Variants in REPS1 observed in about 807,000 individuals in gnomAD.
REPS1 encodes RALBP1 associated Eps domain containing 1.
A neutral mutation model predicts 100.9 loss-of-function variants in REPS1; 39 were observed. That is an observed-to-expected ratio of 0.39 (90% confidence interval 0.30 to 0.50). The LOEUF (loss-of-function observed/expected upper bound fraction) is 0.50. Among genes scored for constraint, REPS1 ranks in the 20% least tolerant of loss-of-function variants. The pLI is 0.86. For synonymous variants in REPS1, 324 were observed against 340.3 expected (o/e 0.95, Z 0.53); for missense variants, 821 against 968.5 (o/e 0.85, Z 2.02).
rs1224676912 is a variant in REPS1, at chr6:138,987,686, C to T, written c.-4G>A. The stretch of plus-strand genomic sequence containing the variant: ...CGCTCAGCGTTAAGCCTTCCATCTT[C>T]GCCTCCGGCTCACGGCCGCCCCGCC... On this transcript the variant is annotated 5_prime_UTR_variant, in exon 1 of 20. Coordinates refer to ENST00000450536, the MANE Select transcript of REPS1 (RefSeq NM_001286611.2). 1.3e-6 allele frequency: 2 copies of T among 1,538,882 alleles called. No individual in the cohort carries two copies. Among genetic ancestry groups the T allele is most frequent in the African/African-American group, 1.4e-5 (1 of 71,782 alleles).
intron 16 of REPS1, among the ~76,000 whole-genome samples, chr6:138,911,782 T>A (rs1160332838): frequency 6.7e-6 from 1 of 149,152 alleles, no homozygotes; most frequent in African/African-American, 2.5e-5. Context: ...ATGCAGGTAG[T>A]AGATGTGTGA....
Position 138,987,876 on chromosome 6 carries a change from C to G in REPS1, c.-194G>C, listed in dbSNP as rs1785370852. On this transcript the variant is annotated 5_prime_UTR_variant, in exon 1 of 20. Coordinates refer to ENST00000450536, the MANE Select transcript of REPS1 (RefSeq NM_001286611.2). ...GTCGCGAGGAGGGGGCCCGGCTGCGCTCGCCGCGCCGCTGCCTGCGAGGCC... is the reference window on the plus strand; with the variant it reads ...GTCGCGAGGAGGGGGCCCGGCTGCGGTCGCCGCGCCGCTGCCTGCGAGGCC... 3.9e-6 allele frequency: 2 copies of G among 508,730 alleles called. No individual in the cohort carries two copies. The highest frequency in any genetic ancestry group is 4.5e-5 in the Admixed American group (1 of 21,998). The allele number at this position is 508,730 out of a possible 1,614,324, so 31.5% of individuals were successfully genotyped here. A position where few individuals can be genotyped will look rare whatever the true frequency, so the allele number is the denominator to read the frequency against.
chr6:138,984,078 C>CTTT (rs748774209), intron 1 of REPS1, among the ~76,000 whole-genome samples: 12 of 134,444 alleles, frequency 8.9e-5, no homozygotes, highest in Non-Finnish European at 1.4e-4. Flanking sequence ...CTCTCTCTCT[C>CTTT]TTTTTTTTTT....
chr6:138,986,656 C>A (rs1785274523), intron 1 of REPS1, among the ~76,000 whole-genome samples: 1 of 152,164 alleles, frequency 6.6e-6, no homozygotes, highest in Non-Finnish European at 1.5e-5. Context: ...AGCTTAAAAC[C>A]TGTTCCTAAC....
At chr6:138,957,822 A>G (rs1191736695) in intron 1 of REPS1, among the ~76,000 whole-genome samples, 2 of 152,258 alleles carry the variant, frequency 1.3e-5, no homozygotes, top group East Asian at 3.8e-4. Flanking sequence ...TGGCTCTGCC[A>G]TGAAAATATT....
intron 8 of REPS1, among the ~76,000 whole-genome samples, chr6:138,935,856 C>CGGGGGGG (rs1449985583): frequency 1.4e-3 from 3 of 2,186 alleles, no homozygotes; most frequent in Non-Finnish European, 3.5e-3. Context: ...TCCATCTTGG[C>CGGGGGGG]GGGGGGGGGG....
chr6:138,943,274 C>CA (rs938443938), intron 7 of REPS1, among the ~76,000 whole-genome samples: 28 of 152,110 alleles, frequency 1.8e-4, no homozygotes, highest in Non-Finnish European at 3.4e-4. Flanking sequence ...ATGCTAGCAA[C>CA]AAAAAAACAG....
At chr6:138,969,269 ATTTTTTTTTT>A (rs71013004) in intron 1 of REPS1, among the ~76,000 whole-genome samples, 1,921 of 74,282 alleles carry the variant, frequency 0.026, 80 homozygotes, top group African/African-American at 0.085. Flanking sequence ...CAAAGCTGTA[ATTTTTTTTTT>A]TTTTTTTTTT....
intron 2 of REPS1, among the ~76,000 whole-genome samples, chr6:138,947,529 A>G (rs1319683760): frequency 6.6e-6 from 1 of 152,232 alleles, no homozygotes; most frequent in Non-Finnish European, 1.5e-5. Context: ...TTGGTAAATT[A>G]ATTCTTAAAA....
intron 1 of REPS1, among the ~76,000 whole-genome samples, chr6:138,957,630 C>T (rs1363017118): frequency 6.6e-6 from 1 of 152,034 alleles, no homozygotes; most frequent in East Asian, 1.9e-4. Context: ...GCTATGCAAC[C>T]GGCCTACAGA....
intron 15 of REPS1, among the ~76,000 whole-genome samples, chr6:138,913,690 T>A: frequency 6.6e-6 from 1 of 152,222 alleles, no homozygotes; most frequent in East Asian, 1.9e-4. Flanking sequence ...AAAAAGTCTA[T>A]CCTTCTTACT....
At chr6:138,973,504 A>T (rs1265991103) in intron 1 of REPS1, among the ~76,000 whole-genome samples, 1 of 151,054 alleles carries the variant, frequency 6.6e-6, no homozygotes, top group Non-Finnish European at 1.5e-5. Flanking sequence ...GACTGTAAAA[A>T]ATTCTACTGG....
At chr6:138,962,796 G>A (rs1284479680) in intron 1 of REPS1, among the ~76,000 whole-genome samples, 1 of 152,082 alleles carries the variant, frequency 6.6e-6, no homozygotes, top group Non-Finnish European at 1.5e-5. Context: ...AATAAGGAAG[G>A]CCTCTTATAT....
At chr6:138,950,126 G>C (rs1347846278) in intron 1 of REPS1, among the ~76,000 whole-genome samples, 1 of 152,100 alleles carries the variant, frequency 6.6e-6, no homozygotes, top group Non-Finnish European at 1.5e-5. Flanking sequence ...GACCAAACTG[G>C]AATTTATTTT....
intron 1 of REPS1, among the ~76,000 whole-genome samples, chr6:138,965,480 T>C (rs1783967330): frequency 6.6e-6 from 1 of 152,110 alleles, no homozygotes; most frequent in Non-Finnish European, 1.5e-5. Flanking sequence ...ATAGTACTAG[T>C]TGCCTTTAGA....
chr6:138,944,882 T>A (rs898558001), intron 4 of REPS1, among the ~76,000 whole-genome samples: 3 of 152,208 alleles, frequency 2.0e-5, no homozygotes, highest in Non-Finnish European at 1.5e-5. Flanking sequence ...TCCATAAACT[T>A]GTCTAAACAT....
chr6:138,948,337 AG>A (rs1394524862), intron 1 of REPS1, among the ~76,000 whole-genome samples: 1 of 152,190 alleles, frequency 6.6e-6, no homozygotes, highest in Non-Finnish European at 1.5e-5. Context: ...CAAGTGGGGA[AG>A]AAAGGCAAGA....
chr6:138,907,998 GAA>G (rs145185032), intron 18 of REPS1, among the ~76,000 whole-genome samples: 1 of 152,030 alleles, frequency 6.6e-6, no homozygotes, highest in East Asian at 1.9e-4. Context: ...CTACAAAAAA[GAA>G]AAAGTCATTC....
intron 1 of REPS1, among the ~76,000 whole-genome samples, chr6:138,985,626 G>GT (rs1242003208): frequency 6.6e-6 from 1 of 152,192 alleles, no homozygotes; most frequent in Non-Finnish European, 1.5e-5. Context: ...ATACATAACT[G>GT]TAAGAGTTCT....
Sources: allele counts gnomAD v4.1 joint callset (sites outside exome capture counted in the v4.1 genomes callset), GRCh38; gene constraint gnomAD v4.1.1; transcripts MANE v1.5; gene names NCBI Gene and HGNC (gene_info 2026-07-23, HGNC 2026-07-21).